Variants in TNS3 observed in about 807,000 individuals in gnomAD.
The protein encoded by TNS3 is tensin 3, also known as tensin-3.
A neutral mutation model predicts 140.9 loss-of-function variants in TNS3; 45 were observed. The observed-to-expected ratio is 0.32, with a 90% CI of 0.25 to 0.41. The LOEUF (loss-of-function observed/expected upper bound fraction) is 0.41. TNS3 is among the 10% of genes least tolerant of loss of function. The pLI, the probability that TNS3 is intolerant of heterozygous loss-of-function variation, is 1.00. For missense variants in TNS3, 1,716 were observed against 1,906.7 expected (o/e 0.90, Z 1.86); for synonymous variants, 815 against 788.4 (o/e 1.03, Z -0.56).
chr7:47,361,436 G>T (rs1354174902), intron 17 of TNS3, among the ~76,000 whole-genome samples: 1 of 152,114 alleles, frequency 6.6e-6, no homozygotes, highest in Non-Finnish European at 1.5e-5. Flanking sequence ...TGCCTCACAA[G>T]GCCTGGCTGA....
chr7:47,492,163 T>C (rs1382097672), intron 3 of TNS3, among the ~76,000 whole-genome samples: 2 of 152,180 alleles, frequency 1.3e-5, no homozygotes, highest in Non-Finnish European at 2.9e-5. Context: ...CACTCACGAA[T>C]GACAGGGAGT....
At chr7:47,307,044 A>G (rs1786800632) in intron 20 of TNS3, among the ~76,000 whole-genome samples, 1 of 152,240 alleles carries the variant, frequency 6.6e-6, no homozygotes, top group Non-Finnish European at 1.5e-5. Flanking sequence ...AGGTATAACT[A>G]ATATACAAAA....
chr7:47,463,864 T>G (rs1373020221), intron 4 of TNS3, among the ~76,000 whole-genome samples: 1 of 152,216 alleles, frequency 6.6e-6, no homozygotes. Context: ...TTTGCAAATA[T>G]GGAATCCACA....
intron 16 of TNS3, among the ~76,000 whole-genome samples, chr7:47,383,371 G>C (rs1402433415): frequency 6.6e-6 from 1 of 152,202 alleles, no homozygotes; most frequent in African/African-American, 2.4e-5. Context: ...TAGCTTCGTG[G>C]TTGCCAGGGG....
intron 20 of TNS3, among the ~76,000 whole-genome samples, chr7:47,312,613 G>T (rs1022998664): frequency 4.6e-5 from 7 of 152,028 alleles, no homozygotes; most frequent in Non-Finnish European, 8.8e-5. Context: ...TAAGGCAAGA[G>T]AATCACTTGA....
At chr7:47,421,560 A>T (rs1794372006) in intron 10 of TNS3, among the ~76,000 whole-genome samples, 1 of 152,040 alleles carries the variant, frequency 6.6e-6, no homozygotes, top group Non-Finnish European at 1.5e-5. Flanking sequence ...GGTTAGAGTC[A>T]CTGTGCCACA....
At chr7:47,533,722 GT>G (rs1410278141) in intron 1 of TNS3, among the ~76,000 whole-genome samples, 29 of 152,046 alleles carry the variant, frequency 1.9e-4, no homozygotes, top group Middle Eastern at 3.2e-3. Context: ...ATGGCGGCAG[GT>G]CTTTCCTGTG....
At chr7:47,335,011 C>T (rs1788552324) in intron 20 of TNS3, among the ~76,000 whole-genome samples, 1 of 152,006 alleles carries the variant, frequency 6.6e-6, no homozygotes, top group South Asian at 2.1e-4. Context: ...GAATAATTTA[C>T]ATCTTACATT....
intron 3 of TNS3, among the ~76,000 whole-genome samples, chr7:47,498,075 C>T (rs1798079377): frequency 6.6e-6 from 1 of 152,160 alleles, no homozygotes; most frequent in African/African-American, 2.4e-5. Flanking sequence ...ACCAACAGCA[C>T]GCTTGTCCAA....
chr7:47,339,288 A>G (rs1243887362), intron 20 of TNS3, among the ~76,000 whole-genome samples: 1 of 152,194 alleles, frequency 6.6e-6, no homozygotes, highest in Non-Finnish European at 1.5e-5. Flanking sequence ...TAGTGATCCC[A>G]AAGATTTTCT....
intron 4 of TNS3, among the ~76,000 whole-genome samples, chr7:47,466,020 A>G (rs570988984): frequency 1.3e-5 from 2 of 152,178 alleles, no homozygotes; most frequent in Admixed American, 1.3e-4. Flanking sequence ...TGTGAAGAAT[A>G]ATTTCTTAAA....
At chr7:47,372,681 C>G (rs972359281) in intron 16 of TNS3, among the ~76,000 whole-genome samples, 2 of 152,172 alleles carry the variant, frequency 1.3e-5, no homozygotes, top group African/African-American at 4.8e-5. Flanking sequence ...TCTGAGCACT[C>G]AGAGCAGGGT....
chr7:47,346,594 A>G (rs1447591522), intron 17 of TNS3, among the ~76,000 whole-genome samples: 1 of 152,196 alleles, frequency 6.6e-6, no homozygotes, highest in Non-Finnish European at 1.5e-5. Context: ...CCAGGCCAGC[A>G]TGCTCCTTCC....
At chr7:47,453,369 C>A (rs1796109353) in intron 4 of TNS3, 2 of 558,152 alleles carry the variant, frequency 3.6e-6, no homozygotes, top group African/African-American at 4.1e-5. Context: ...TCAAAAGTTC[C>A]CCCAGGAAAA....
Position 47,389,154 on chromosome 7 carries a change from A to AAGAAGAAGAAGAAGAAGC in TNS3, c.1024+7645_1024+7646insGCTTCTTCTTCTTCTTCT, listed in dbSNP as rs1340201271. ...GAAGAAGAAGAAGAAGAAGAAGAAG[A>AAGAAGAAGAAGAAGAAGC]AGCAGAAGAAGCAGCAGAAGCAGAA... On this transcript the variant is annotated intron_variant, in intron 16 of 30. Coordinates refer to ENST00000311160, the MANE Select transcript of TNS3 (RefSeq NM_022748.12). Among the ~76,000 whole-genome samples, 19 of 82,290 alleles carry AAGAAGAAGAAGAAGAAGC rather than the reference A, an allele frequency of 2.3e-4. 3 individuals are homozygous for AAGAAGAAGAAGAAGAAGC. Among genetic ancestry groups the AAGAAGAAGAAGAAGAAGC allele is most frequent in the African/African-American group, 6.3e-4 (15 of 23,746 alleles). 54.0% of individuals were successfully genotyped at this position (82,290 alleles called of 152,430 possible).
chr7:47,515,270 G>A (rs56077012), intron 2 of TNS3, among the ~76,000 whole-genome samples: 41,620 of 151,890 alleles, frequency 0.27, 5,761 homozygotes, highest in East Asian at 0.4. Context: ...GAAAAGGAAC[G>A]GTAGAAATAC....
At chr7:47,565,406 G>A (rs1174458657) in intron 1 of TNS3, among the ~76,000 whole-genome samples, 1 of 146,142 alleles carries the variant, frequency 6.8e-6, no homozygotes, top group African/African-American at 2.6e-5. Context: ...TCACTCTTTC[G>A]CCCAGGCTGG....
chr7:47,535,675 A>G (rs973072290), intron 1 of TNS3, among the ~76,000 whole-genome samples: 2 of 152,188 alleles, frequency 1.3e-5, no homozygotes, highest in Non-Finnish European at 2.9e-5. Context: ...CCTGAGGGGG[A>G]CACAGTAATT....
At chr7:47,347,893 C>A (rs1789439595) in intron 17 of TNS3, among the ~76,000 whole-genome samples, 1 of 152,116 alleles carries the variant, frequency 6.6e-6, no homozygotes, top group Non-Finnish European at 1.5e-5. Context: ...CTTTTCCCTC[C>A]CACAAGGGGG....
Sources: gnomAD v4.1 joint callset for allele counts (sites outside exome capture counted in the v4.1 genomes callset) on GRCh38, gnomAD v4.1.1 for gene constraint, MANE v1.5 for transcripts, NCBI Gene and HGNC (gene_info 2026-07-23, HGNC 2026-07-21) for gene names.